Variants in C6orf52 observed in about 807,000 individuals in gnomAD.
C6orf52 encodes chromosome 6 open reading frame 52, also known as putative uncharacterized protein C6orf52.
Under a neutral mutation model 16.6 loss-of-function variants are expected in C6orf52, and 16 were observed. That is an observed-to-expected ratio of 0.96 (90% CI 0.65 to 1.46). C6orf52 has a LOEUF of 1.46. Among genes scored for constraint, C6orf52 ranks in the 40% most tolerant of loss-of-function variants. C6orf52 has a pLI of 0.00. For missense variants in C6orf52, 166 were observed against 182.3 expected, an observed-to-expected ratio of 0.91 and a Z score of 0.52; for synonymous variants, 53 against 61.4, an observed-to-expected ratio of 0.86 and a Z score of 0.64.
chr6:10,678,351 A>C (rs1219953888), intron 4 of C6orf52, among the ~76,000 whole-genome samples: 1 of 152,178 alleles, frequency 6.6e-6, no homozygotes. Flanking sequence ...CAGTATAGAC[A>C]TCTTTCACCT....
intron 1 of C6orf52, among the ~76,000 whole-genome samples, chr6:10,693,632 GT>G (rs1162382128): frequency 3.9e-5 from 6 of 152,238 alleles, no homozygotes; most frequent in Admixed American, 3.9e-4. Context: ...CTACTACGGT[GT>G]TTATGAGAAC....
At chr6:10,676,296 T>C (rs762727850) in intron 4 of C6orf52, among the ~76,000 whole-genome samples, 8 of 152,230 alleles carry the variant, frequency 5.3e-5, no homozygotes, top group African/African-American at 9.6e-5. Context: ...ATTTAGCATA[T>C]TAACCCCTTA....
chr6:10,675,385 G>T (rs570159687), intron 4 of C6orf52, among the ~76,000 whole-genome samples: 5 of 152,292 alleles, frequency 3.3e-5, no homozygotes, highest in South Asian at 4.1e-4. Flanking sequence ...CAGTTGAATA[G>T]TATTCTATTG....
chr6:10,691,232 C>T (rs185778989), intron 1 of C6orf52, among the ~76,000 whole-genome samples: 1 of 152,310 alleles, frequency 6.6e-6, no homozygotes, highest in Non-Finnish European at 1.5e-5. Context: ...GCAGACAAAA[C>T]CCCTCAGCCA....
At chr6:10,691,227 C>G (rs1313831579) in intron 1 of C6orf52, among the ~76,000 whole-genome samples, 1 of 152,206 alleles carries the variant, frequency 6.6e-6, no homozygotes, top group African/African-American at 2.4e-5. Context: ...AAGCCGCAGA[C>G]AAAACCCCTC....
chr6:10,687,410 G>A, intron 2 of C6orf52, 70 bp downstream of exon 2: 2 of 1,165,228 alleles, frequency 1.7e-6, no homozygotes, highest in South Asian at 2.8e-5. Context: ...TAGTTTGTAA[G>A]TTACCAACAG....
intron 4 of C6orf52, among the ~76,000 whole-genome samples, chr6:10,676,778 C>G (rs1767929602): frequency 6.6e-6 from 1 of 152,204 alleles, no homozygotes; most frequent in African/African-American, 2.4e-5. Flanking sequence ...GGCCTGTTTC[C>G]TGTCACACAG....
At chr6:10,694,339 G>A (rs1006572113) in intron 1 of C6orf52, among the ~76,000 whole-genome samples, 155 bp downstream of exon 1, 4 of 151,836 alleles carry the variant, frequency 2.6e-5, no homozygotes, top group South Asian at 2.1e-4. Context: ...CAGCCCCAGA[G>A]TTAGACAAGC....
intron 3 of C6orf52, among the ~76,000 whole-genome samples, chr6:10,685,247 GAAA>G (rs34615421): frequency 4.1e-5 from 3 of 73,012 alleles, no homozygotes; most frequent in African/African-American, 1.0e-4. Context: ...AGGGGCAAAA[GAAA>G]AAAAAAAAAA....
chr6:10,679,178 G>T (rs946643917), intron 4 of C6orf52, among the ~76,000 whole-genome samples: 3 of 152,124 alleles, frequency 2.0e-5, no homozygotes, highest in African/African-American at 7.2e-5. Context: ...GGTGGCTCAT[G>T]CCTGCAATCC....
At chr6:10,683,082 T>C (rs756468953) in intron 4 of C6orf52, 105 bp downstream of exon 4, 57 of 730,696 alleles carry the variant, frequency 7.8e-5, no homozygotes, top group Non-Finnish European at 1.1e-4. Context: ...GCAACCTACA[T>C]TGGAATTTTC....
In C6orf52 at chr6:10,687,083, G is replaced by A. The variant is rs746914088; in HGVS notation, c.153C>T (p.His51=). 8.4e-5 allele frequency: 131 copies of A among 1,551,762 alleles called. No individual in the cohort carries two copies. The highest frequency in any genetic ancestry group is 5.0e-4 in the Middle Eastern group (3 of 6,020). The change falls in exon 3 of 5, where the codon CAC becomes CAT. Residue 51 remains histidine (H), a synonymous_variant. Transcript: ENST00000259983. ...YRYGNWYARQ[H]GSYLLSGYSY... ...TGTAGCCAGAAAGAAGGTAAGAGCC[G>A]TGCTGTCGCGCATACCAGTTGCCAT...
At chr6:10,684,042 A>G (rs1290383234) in intron 3 of C6orf52, among the ~76,000 whole-genome samples, 1 of 152,240 alleles carries the variant, frequency 6.6e-6, no homozygotes, top group Non-Finnish European at 1.5e-5. Context: ...TTTTCAGTCT[A>G]TCTGAAAGTA....
chr6:10,686,744 T>C (rs1768898081), intron 3 of C6orf52, among the ~76,000 whole-genome samples: 1 of 152,212 alleles, frequency 6.6e-6, no homozygotes, highest in African/African-American at 2.4e-5. Context: ...GCAAATCATA[T>C]AAATTAAACA....
intron 1 of C6orf52, among the ~76,000 whole-genome samples, chr6:10,691,284 G>C (rs573987777): frequency 1.3e-5 from 2 of 152,056 alleles, no homozygotes; most frequent in African/African-American, 4.8e-5. Context: ...CGGGATCTTC[G>C]GCAAGACTCA....
intron 1 of C6orf52, among the ~76,000 whole-genome samples, chr6:10,692,087 G>A (rs1389256189): frequency 1.3e-5 from 2 of 152,112 alleles, no homozygotes; most frequent in African/African-American, 4.8e-5. Context: ...TGTCCCTGGG[G>A]TAAGGAGACA....
Position 10,694,583 on chromosome 6 carries a change from G to GACGA in C6orf52, c.-102_-101insTCGT. ...ACAGCCCACAACAATGCACGCTGCC[G>GACGA]GCGCTACAGCCCCTAAGCAACCGGC... On this transcript the variant is annotated 5_prime_UTR_variant, in exon 1 of 5. Transcript: ENST00000259983. The GACGA allele has an allele frequency of 5.4e-6, 1 of 186,202 alleles. No homozygotes were observed. Among genetic ancestry groups the GACGA allele is most frequent in the South Asian group, 8.2e-5 (1 of 12,266 alleles). 11.5% of individuals were successfully genotyped at this position (186,202 alleles called of 1,614,324 possible).
At chr6:10,675,747 G>A (rs1767818726) in intron 4 of C6orf52, among the ~76,000 whole-genome samples, 1 of 152,154 alleles carries the variant, frequency 6.6e-6, no homozygotes. Flanking sequence ...TCTCACTACT[G>A]TGGTTTTAAT....
chr6:10,671,669 T>C, intron 4 of C6orf52, 71 bp from the exon 5 acceptor site: 3 of 1,062,256 alleles, frequency 2.8e-6, no homozygotes, highest in Non-Finnish European at 3.9e-6. Flanking sequence ...AGTTTAAAAT[T>C]AGAAAGCTTT....
Sources: gnomAD v4.1 joint callset for allele counts (sites outside exome capture counted in the v4.1 genomes callset) on GRCh38, gnomAD v4.1.1 for gene constraint, MANE v1.5 for transcripts, NCBI Gene and HGNC (gene_info 2026-07-23, HGNC 2026-07-21) for gene names.